The following PTCRA variants were observed in gnomAD, a reference collection of about 807,000 sequenced individuals.
PTCRA encodes pre T cell antigen receptor alpha, also known as pre T-cell antigen receptor alpha.
A neutral mutation model predicts 13.4 loss-of-function variants in PTCRA; 9 were observed. That is an observed-to-expected ratio of 0.67 (90% CI 0.41 to 1.18). PTCRA has a LOEUF of 1.18. PTCRA is among the 50% of genes most tolerant of loss of function. PTCRA has a pLI of 0.01. For synonymous variants in PTCRA, 153 were observed against 161.9 expected (o/e 0.94, Z 0.42); for missense variants, 353 against 359.8 (o/e 0.98, Z 0.15).
rs746364033 is a variant in PTCRA at position 42,923,090 on chromosome 6, A to T, written c.122A>T (p.Gln41Leu). 4.3e-6 allele frequency: 7 copies of T among 1,614,234 alleles called. No individual in the cohort carries two copies. Among genetic ancestry groups the T allele is most frequent in the Middle Eastern group, 1.6e-4 (1 of 6,062 alleles). Residue 41 changes from glutamine to leucine, a missense_variant, in exon 2 of 4, where the codon CAG becomes CTG. Transcript: ENST00000304672. ...PPIMLLVDGK[Q>L]QMVVVCLVLD... ...ATCATGCTGCTGGTGGATGGAAAGC[A>T]GCAGATGGTGGTGGTCTGCCTGGTC... is the stretch of plus-strand genomic sequence containing the variant.
Position 42,924,264 on chromosome 6 carries a change from C to G in PTCRA, c.415C>G (p.Pro139Ala). 1 of 1,611,996 alleles carries G rather than the reference C, an allele frequency of 6.2e-7. No individual in the cohort carries two copies. The highest frequency in any genetic ancestry group is 1.3e-5 in the African/African-American group (1 of 74,862). The change falls in exon 3 of 4, where the codon CCT (proline) becomes GCT (alanine). Residue 139 changes from proline (P) to alanine (A), a missense_variant. Physicochemically the swap from Pro to Ala is conservative, Grantham distance 27. Coordinates refer to ENST00000304672, the MANE Select transcript of PTCRA (RefSeq NM_138296.3). The part of the protein sequence containing the change: ...ASTARTCPQE[P>A]LRGTPGGALW... ...TACAGCCAGGACCTGCCCCCAGGAG[C>G]CTCTCAGGGGTGAGTACTCCGGGCA...
chr6:42,918,198 C>T (rs986338985), intron 1 of PTCRA, among the ~76,000 whole-genome samples: 4 of 148,532 alleles, frequency 2.7e-5, no homozygotes, highest in Admixed American at 1.3e-4. Context: ...GGAGGTTGCA[C>T]TGAGCCAAGA....
intron 1 of PTCRA, among the ~76,000 whole-genome samples, chr6:42,919,446 G>T (rs1353346235): frequency 6.6e-6 from 1 of 152,082 alleles, no homozygotes; most frequent in Non-Finnish European, 1.5e-5. Flanking sequence ...GGACAAAGTG[G>T]CTCATGCCTA....
At chr6:42,921,887 A>G (rs1045758945) in intron 1 of PTCRA, among the ~76,000 whole-genome samples, 7 of 151,840 alleles carry the variant, frequency 4.6e-5, no homozygotes, top group Non-Finnish European at 1.0e-4. Flanking sequence ...CATAAAAATA[A>G]AAATGAACTG....
At chr6:42,917,190 ATATTATTATTATTATTAT>A (rs60630405) in intron 1 of PTCRA, among the ~76,000 whole-genome samples, 22 of 141,088 alleles carry the variant, frequency 1.6e-4, no homozygotes, top group East Asian at 8.2e-4. Flanking sequence ...TAACAGCATT[ATATTATTATTATTATTAT>A]TATTATTATT....
Position 42,924,209 on chromosome 6 carries a change from C to A in PTCRA, c.380-20C>A. 1 of 1,599,392 alleles carries A rather than the reference C, an allele frequency of 6.3e-7. No homozygotes were observed. ...CATGGCCCATCCCCAAAGACTCATT[C>A]GCTTCTCCCTGGACAACAGGAGAGG... On this transcript the variant is annotated intron_variant, in intron 2 of 3. Transcript: ENST00000304672.
At chr6:42,922,457 A>T (rs527988817) in intron 1 of PTCRA, among the ~76,000 whole-genome samples, 1 of 152,262 alleles carries the variant, frequency 6.6e-6, no homozygotes, top group Admixed American at 6.5e-5. Context: ...TAGAAAGAAT[A>T]GATGGAGGTG....
chr6:42,925,784 AT>A lies in PTCRA; in HGVS notation c.*105del. On this transcript the variant is annotated 3_prime_UTR_variant, in exon 4 of 4. Transcript: ENST00000304672. The surrounding 1 kb of genome is among the most constrained non-coding windows in gnomAD (Gnocchi z 4.4). ...TGGTGATCCACCCAGTTACAGGGGC[AT>A]TTAGGGAGCAGATGACTGAGAACAT... 1.5e-6 allele frequency: 1 copy of A among 678,482 alleles called. No individual in the cohort carries two copies. Among genetic ancestry groups the A allele is most frequent in the Non-Finnish European group, 2.4e-6 (1 of 419,564 alleles). The allele number at this position is 678,482 out of a possible 1,614,324, so 42.0% of individuals were successfully genotyped here. A position where few individuals can be genotyped will look rare whatever the true frequency, so the allele number is the denominator to read the frequency against.
chr6:42,919,284 A>C (rs1199184366), intron 1 of PTCRA, among the ~76,000 whole-genome samples: 1 of 152,076 alleles, frequency 6.6e-6, no homozygotes, highest in Non-Finnish European at 1.5e-5. Flanking sequence ...GTGAGCCACC[A>C]CGCCTGGCCT....
Position 42,925,131 on chromosome 6 carries a change from G to T in PTCRA, c.425-130G>T. Reference sequence around the variant, plus strand: ...CAGTAAGAACGGAGGCTAGACACCGGGAAGGACTTTCCCTGGAGGAGGGGG... The same window carrying T: ...CAGTAAGAACGGAGGCTAGACACCGTGAAGGACTTTCCCTGGAGGAGGGGG... On this transcript the variant is annotated intron_variant, in intron 3 of 3. Coordinates refer to ENST00000304672, the MANE Select transcript of PTCRA (RefSeq NM_138296.3). The surrounding 1 kb of genome is among the most constrained non-coding windows in gnomAD (Gnocchi z 4.4). 8.0e-7 allele frequency: 1 copy of T among 1,256,088 alleles called. No homozygotes were observed. Among genetic ancestry groups the T allele is most frequent in the East Asian group, 2.5e-5 (1 of 39,282 alleles). The allele number at this position is 1,256,088 out of a possible 1,614,324, so 77.8% of individuals were successfully genotyped here. A position where few individuals can be genotyped will look rare whatever the true frequency, so the allele number is the denominator to read the frequency against.
chr6:42,924,144 C>A, intron 2 of PTCRA, 85 bp from the exon 3 acceptor site: 1 of 1,241,408 alleles, frequency 8.1e-7, no homozygotes, highest in Non-Finnish European at 1.1e-6. Flanking sequence ...CCACCCTGTG[C>A]CAGGGCCTGG....
At chr6:42,919,636 GA>G (rs1767047483) in intron 1 of PTCRA, among the ~76,000 whole-genome samples, 1 of 149,514 alleles carries the variant, frequency 6.7e-6, no homozygotes, top group Non-Finnish European at 1.5e-5. Flanking sequence ...AGGACTGCCT[GA>G]ACCCGGGTGG....
Position 42,925,479 on chromosome 6 carries a change from C to G in PTCRA, c.643C>G (p.Pro215Ala). 1 of 1,558,188 alleles carries G rather than the reference C, an allele frequency of 6.4e-7. No homozygotes were observed. Among genetic ancestry groups the G allele is most frequent in the Non-Finnish European group, 8.7e-7 (1 of 1,150,406 alleles). The part of the protein sequence containing the change: ...REATSSPRPQ[P>A]RDRRWGDTPP... ...GGCCACCAGCTCACCCAGACCCCAG[C>G]CTCGGGACCGCCGCTGGGGTGACAC... is the stretch of plus-strand genomic sequence containing the variant. The change falls in exon 4 of 4, where the codon CCT (proline) becomes GCT (alanine). Residue 215 changes from proline to alanine, a missense_variant. By Grantham distance (27) the Pro-to-Ala change is conservative. Transcript: ENST00000304672. This position sits in a 1 kb window ranked among gnomAD's most constrained non-coding sequence, Gnocchi z 4.4.
chr6:42,925,564 AC>A lies in PTCRA; in HGVS notation c.732del (p.Thr245LeufsTer50), dbSNP rs1230437142. 13 of 1,599,536 alleles carry A rather than the reference AC, an allele frequency of 8.1e-6. No individual in the cohort carries two copies. In the African/African-American group the frequency reaches 1.6e-4, roughly 20 times the overall value. Reference protein sequence around the residue: ...VWGEGSYLSSYPTCPAQAWCS... With the variant: ...VWGEGSYLSSXPTCPAQAWCS... ...GGGGAAGGGTCTTACCTCAGCAGTT[AC>A]CCCACTTGCCCAGCACAGGCCTGGT... On this transcript the variant is annotated frameshift_variant, in exon 4 of 4. Coordinates refer to ENST00000304672, the MANE Select transcript of PTCRA (RefSeq NM_138296.3). LOFTEE classifies it low-confidence loss of function (END_TRUNC). This position sits in a 1 kb window ranked among gnomAD's most constrained non-coding sequence, Gnocchi z 4.4.
At chr6:42,922,803 T>C (rs1254628321) in intron 1 of PTCRA, among the ~76,000 whole-genome samples, 1 of 149,442 alleles carries the variant, frequency 6.7e-6, no homozygotes, top group East Asian at 2.0e-4. Context: ...AAAGGATGGA[T>C]AAACAGGTGA....
At chr6:42,918,415 G>A (rs141175205) in intron 1 of PTCRA, among the ~76,000 whole-genome samples, 3 of 150,772 alleles carry the variant, frequency 2.0e-5, no homozygotes, top group Non-Finnish European at 4.4e-5. Context: ...TTAGCCACGC[G>A]TGGTGGTAGG....
At chr6:42,916,151 C>T (rs1766868071) in intron 1 of PTCRA, 24 bp downstream of exon 1, 1 of 1,611,182 alleles carries the variant, frequency 6.2e-7, no homozygotes, top group Non-Finnish European at 8.5e-7. Flanking sequence ...TTGCCTTCCT[C>T]TCTGTCCCTC....
At position 42,925,402 on chromosome 6, in the gene PTCRA, G is replaced by C; in HGVS notation, c.566G>C (p.Arg189Pro). 1.3e-6 allele frequency: 2 copies of C among 1,554,542 alleles called. No individual in the cohort carries two copies. The highest frequency in any genetic ancestry group is 1.7e-6 in the Non-Finnish European group (2 of 1,148,740). ...LPSPATTTRL[R>P]ALGSHRLHPA... ...TCCCCCGCAACCACCACCCGCCTGC[G>C]AGCCCTCGGCTCCCATCGACTGCAC... is the stretch of plus-strand genomic sequence containing the variant. Residue 189 changes from arginine (R) to proline (P), a missense_variant, in exon 4 of 4, where the codon CGA becomes CCA. Coordinates refer to ENST00000304672, the MANE Select transcript of PTCRA (RefSeq NM_138296.3). This position sits in a 1 kb window ranked among gnomAD's most constrained non-coding sequence, Gnocchi z 4.4.
chr6:42,922,670 G>A (rs1038589971), intron 1 of PTCRA, among the ~76,000 whole-genome samples: 1 of 151,890 alleles, frequency 6.6e-6, no homozygotes, highest in South Asian at 2.1e-4. Flanking sequence ...AACCCAGGAG[G>A]TGGAACTTGC....
Sources: allele counts gnomAD v4.1 joint callset (sites outside exome capture counted in the v4.1 genomes callset), GRCh38; gene constraint gnomAD v4.1.1; non-coding constraint Gnocchi (gnomAD v3.1); transcripts MANE v1.5; gene names NCBI Gene and HGNC (gene_info 2026-07-23, HGNC 2026-07-21).